CBX2: variants seen among roughly 807,000 people sequenced by gnomAD.
The protein encoded by CBX2 is chromobox 2.
A neutral mutation model predicts 21.0 loss-of-function variants in CBX2; 11 were observed. The observed-to-expected ratio is 0.52, with a 90% confidence interval of 0.33 to 0.87. The LOEUF (loss-of-function observed/expected upper bound fraction) is 0.87. Among genes scored for constraint, CBX2 ranks in the 40% least tolerant of loss-of-function variants. CBX2 has a pLI of 0.02. For missense variants in CBX2, 746 were observed against 724.3 expected (o/e 1.03, Z -0.34); for synonymous variants, 364 against 304.6 (o/e 1.19, Z -2.03).
chr17:79,781,070 T>A (rs1598221952), intron 3 of CBX2, among the ~76,000 whole-genome samples: 1 of 142,698 alleles, frequency 7.0e-6, no homozygotes, highest in Non-Finnish European at 1.5e-5. Context: ...GCGGGGGGGG[T>A]ACTGCGAGTG....
upstream of CBX2, among the ~76,000 whole-genome samples, chr17:79,777,639 G>A (rs537385437): frequency 6.6e-6 from 1 of 151,732 alleles, no homozygotes; most frequent in African/African-American, 2.4e-5. Flanking sequence ...GTCCAAAACA[G>A]AGCGACTCCC....
chr17:79,780,131 G>T (rs1222125585), intron 3 of CBX2, among the ~76,000 whole-genome samples: 2 of 152,222 alleles, frequency 1.3e-5, no homozygotes, highest in Admixed American at 1.3e-4. Context: ...GGCATGAAGG[G>T]CCAGGGAGTA....
In CBX2 at chr17:79,784,374, GC is replaced by G. The variant is rs1401849853; in HGVS notation, c.936del (p.Ser313AlafsTer39). On this transcript the variant is annotated frameshift_variant, in exon 5 of 5. Transcript: ENST00000310942. LOFTEE classifies it low-confidence loss of function (END_TRUNC). The surrounding 1 kb of genome is among the most constrained non-coding windows in gnomAD (Gnocchi z 5.9). ...CCCTCCAGGAAGCAAAATCCCGAAG[GC>G]CCCCAGCGGTGGGGCTGTGGAGCAG... The part of the protein sequence containing the change: ...MSPPGSKIPK[A>X]PSGGAVEQKV... 6.2e-7 allele frequency: 1 copy of G among 1,612,708 alleles called. No individual in the cohort carries two copies. The highest frequency in any genetic ancestry group is 8.5e-7 in the Non-Finnish European group (1 of 1,179,774).
chr17:79,782,979 T>G (rs547090636), intron 4 of CBX2, among the ~76,000 whole-genome samples: 3 of 152,104 alleles, frequency 2.0e-5, no homozygotes, highest in South Asian at 4.1e-4. Context: ...GACTGGGAAA[T>G]GGGGATACTG....
chr17:79,779,532 G>A (rs981542428), intron 3 of CBX2, 105 bp downstream of exon 3: 48 of 992,984 alleles, frequency 4.8e-5, no homozygotes, highest in Non-Finnish European at 7.4e-5. Context: ...CTGGGGCTGT[G>A]GTCTGAGGTC....
Position 79,784,618 on chromosome 17 carries a change from C to G in CBX2, c.1175C>G (p.Thr392Ser). ...ACCAACCCAGCCCCTGGGAAGGGCACTGGGAGTGGCCTCATTGGGGCCAGC... is the reference window on the plus strand; with the variant it reads ...ACCAACCCAGCCCCTGGGAAGGGCAGTGGGAGTGGCCTCATTGGGGCCAGC... ...PATNPAPGKGTGSGLIGASGA... is the reference protein window; with the variant it reads ...PATNPAPGKGSGSGLIGASGA... The change falls in exon 5 of 5, where the codon ACT becomes AGT. Residue 392 changes from threonine (T) to serine (S), a missense_variant. Around this residue, in one of 2 missense-constraint regions of CBX2, gnomAD observed 701 missense variants for 650.7 expected, o/e 1.08. Coordinates refer to ENST00000310942, the MANE Select transcript of CBX2 (RefSeq NM_005189.3). The surrounding 1 kb of genome is among the most constrained non-coding windows in gnomAD (Gnocchi z 5.9). The G allele has an allele frequency of 6.2e-7, 1 of 1,612,606 alleles. No individual in the cohort carries two copies. Among genetic ancestry groups the G allele is most frequent in the South Asian group, 1.1e-5 (1 of 91,070 alleles).
rs1279590250 is a variant in CBX2 at position 79,785,145 on chromosome 17, G to C, written c.*103G>C. The C allele has an allele frequency of 1.2e-5, 12 of 1,038,022 alleles. No individual in the cohort carries two copies. Among genetic ancestry groups the C allele is most frequent in the Non-Finnish European group, 1.3e-5 (9 of 686,348 alleles). The allele number at this position is 1,038,022 out of a possible 1,614,324, so 64.3% of individuals were successfully genotyped here. ...CAAGCCCCCTCAAGAGTCTGGGTCG[G>C]GGGAGGAGGAGTGGGTGGCCTCCTT... is the stretch of plus-strand genomic sequence containing the variant. On this transcript the variant is annotated 3_prime_UTR_variant, in exon 5 of 5. Coordinates refer to ENST00000310942, the MANE Select transcript of CBX2 (RefSeq NM_005189.3).
chr17:79,778,442 A>G lies in CBX2; in HGVS notation c.116+15A>G, dbSNP rs1555829463. On this transcript the variant is annotated intron_variant, in intron 2 of 4. Transcript: ENST00000310942. This position sits in a 1 kb window ranked among gnomAD's most constrained non-coding sequence, Gnocchi z 4.8. ...TGGTCCTCCAAGTGAGTCCCCCGCG[A>G]CGCCGCGCCCCCCTCCCGCCCCCTC... 6.6e-7 allele frequency: 1 copy of G among 1,512,190 alleles called. No homozygotes were observed. The highest frequency in any genetic ancestry group is 1.9e-5 in the Admixed American group (1 of 52,352). The allele number at this position is 1,512,190 out of a possible 1,614,324, so 93.7% of individuals were successfully genotyped here.
In CBX2 at chr17:79,784,299, C is replaced by T. The variant is rs1907458948; in HGVS notation, c.856C>T (p.Leu286Phe). 2.5e-6 allele frequency: 4 copies of T among 1,613,046 alleles called. No individual in the cohort carries two copies. Among genetic ancestry groups the T allele is most frequent in the African/African-American group, 2.7e-5 (2 of 74,934 alleles). The change falls in exon 5 of 5, where the codon CTC becomes TTC. Residue 286 changes from leucine (L) to phenylalanine (F), a missense_variant. By Grantham distance (22) the Leu-to-Phe change is conservative. Around this residue, in one of 2 missense-constraint regions of CBX2, gnomAD observed 701 missense variants for 650.7 expected, o/e 1.08. Coordinates refer to ENST00000310942, the MANE Select transcript of CBX2 (RefSeq NM_005189.3). The surrounding 1 kb of genome is among the most constrained non-coding windows in gnomAD (Gnocchi z 5.9). ...LKAQATNKCG[L>F]GLDLKVRTQK... ...GGCCCAGGCCACCAACAAGTGCGGC[C>T]TCGGGCTGGACCTGAAGGTGAGGAC... is the stretch of plus-strand genomic sequence containing the variant.
chr17:79,784,912 G>T lies in CBX2; in HGVS notation c.1469G>T (p.Ser490Ile). 7 of 1,613,436 alleles carry T rather than the reference G, an allele frequency of 4.3e-6. No homozygotes were observed. Among genetic ancestry groups the T allele is most frequent in the Non-Finnish European group, 5.9e-6 (7 of 1,180,050 alleles). ...GQNPSVSVQT[S>I]QDWKPTRSLI... Reference sequence around the variant, plus strand: ...AACCCGTCAGTGTCCGTTCAGACCAGCCAGGACTGGAAGCCCACCCGCAGC... The same window carrying T: ...AACCCGTCAGTGTCCGTTCAGACCATCCAGGACTGGAAGCCCACCCGCAGC... The change falls in exon 5 of 5, where the codon AGC (serine) becomes ATC (isoleucine). Residue 490 changes from serine (S) to isoleucine (I), a missense_variant. Physicochemically the swap from Ser to Ile is moderately radical, Grantham distance 142. Transcript: ENST00000310942. This position sits in a 1 kb window ranked among gnomAD's most constrained non-coding sequence, Gnocchi z 5.9.
In CBX2 at chr17:79,784,863, G is replaced by T; in HGVS notation, c.1420G>T (p.Ala474Ser). ...SSSSDSDPDS[A>S]SPPSTGQNPS... ...CAGCTCGGACTCCGACCCCGACTCC[G>T]CCTCGCCGCCCAGCACTGGACAGAA... The change falls in exon 5 of 5, where the codon GCC (alanine) becomes TCC (serine). Residue 474 changes from alanine to serine, a missense_variant. Around this residue, in one of 2 missense-constraint regions of CBX2, gnomAD observed 701 missense variants for 650.7 expected, o/e 1.08. Coordinates refer to ENST00000310942, the MANE Select transcript of CBX2 (RefSeq NM_005189.3). The surrounding 1 kb of genome is among the most constrained non-coding windows in gnomAD (Gnocchi z 5.9). The T allele has an allele frequency of 6.2e-7, 1 of 1,613,062 alleles. No individual in the cohort carries two copies. The highest frequency in any genetic ancestry group is 2.2e-5 in the East Asian group (1 of 44,874).
intron 4 of CBX2, chr17:79,782,105 G>A (rs782321921): frequency 1.1e-5 from 17 of 1,613,412 alleles, no homozygotes; most frequent in Non-Finnish European, 1.4e-5. Context: ...CCCTCCCAGG[G>A]GGTCCTTGGG....
In CBX2 at chr17:79,778,280, G is replaced by A. The variant is rs1555829368; in HGVS notation, c.45G>A (p.Glu15=). 3 of 1,545,578 alleles carry A rather than the reference G, an allele frequency of 1.9e-6. No individual in the cohort carries two copies. The highest frequency in any genetic ancestry group is 1.9e-5 in the Admixed American group (1 of 53,434). Residue 15 remains glutamate (E), a synonymous_variant, in exon 1 of 5, where the codon GAG becomes GAA. Transcript: ENST00000310942. The surrounding 1 kb of genome is among the most constrained non-coding windows in gnomAD (Gnocchi z 4.8). ...TGGGCGAGCAGGTCTTCGCCGCCGA[G>A]TGCATCCTGAGCAAGCGGCTCCGCA... is the stretch of plus-strand genomic sequence containing the variant. ...SSVGEQVFAA[E]CILSKRLRKG...
rs782008738 is a variant in CBX2 at position 79,784,018 on chromosome 17, A to G, written c.575A>G (p.Asp192Gly). The G allele has an allele frequency of 6.2e-7, 1 of 1,613,150 alleles. No homozygotes were observed. Among genetic ancestry groups the G allele is most frequent in the Non-Finnish European group, 8.5e-7 (1 of 1,179,976 alleles). Reference protein sequence around the residue: ...LAKVLKTARKDLGAPASKLPP... With the variant: ...LAKVLKTARKGLGAPASKLPP... ...AAGGTGCTGAAGACCGCCCGGAAGG[A>G]TCTGGGGGCCCCGGCCAGCAAGCTG... Residue 192 changes from aspartate (D) to glycine (G), a missense_variant, in exon 5 of 5, where the codon GAT becomes GGT. Asp to Gly is a moderately conservative substitution (Grantham distance 94). Transcript: ENST00000310942. The surrounding 1 kb of genome is among the most constrained non-coding windows in gnomAD (Gnocchi z 5.9).
In CBX2 at chr17:79,784,616, C is replaced by A. The variant is rs1907497627; in HGVS notation, c.1173C>A (p.Gly391=). 2.5e-6 allele frequency: 4 copies of A among 1,612,576 alleles called. No individual in the cohort carries two copies. The highest frequency in any genetic ancestry group is 3.4e-6 in the Non-Finnish European group (4 of 1,179,914). ...VPATNPAPGK[G]TGSGLIGASG... is the part of the protein sequence containing the mutation. ...CCACCAACCCAGCCCCTGGGAAGGG[C>A]ACTGGGAGTGGCCTCATTGGGGCCA... is the stretch of plus-strand genomic sequence containing the variant. Residue 391 remains glycine (G), a synonymous_variant, in exon 5 of 5, where the codon GGC becomes GGA. Coordinates refer to ENST00000310942, the MANE Select transcript of CBX2 (RefSeq NM_005189.3). The surrounding 1 kb of genome is among the most constrained non-coding windows in gnomAD (Gnocchi z 5.9).
Position 79,783,762 on chromosome 17 carries a change from A to T in CBX2, c.319A>T (p.Ser107Cys). 1 of 1,555,760 alleles carries T rather than the reference A, an allele frequency of 6.4e-7. No individual in the cohort carries two copies. Among genetic ancestry groups the T allele is most frequent in the Non-Finnish European group, 8.7e-7 (1 of 1,149,242 alleles). The change falls in exon 5 of 5, where the codon AGC becomes TGC. Residue 107 changes from serine to cysteine, a missense_variant. Coordinates refer to ENST00000310942, the MANE Select transcript of CBX2 (RefSeq NM_005189.3). ...EPDAPSKSKSSSSSSSSTSSS... is the reference protein window; with the variant it reads ...EPDAPSKSKSCSSSSSSTSSS... ...CGATGCTCCCTCCAAATCCAAGTCCAGCAGTTCCTCCTCTTCCTCCACGTC... is the reference window on the plus strand; with the variant it reads ...CGATGCTCCCTCCAAATCCAAGTCCTGCAGTTCCTCCTCTTCCTCCACGTC...
chr17:79,781,366 TC>T (rs1235903937), intron 3 of CBX2, among the ~76,000 whole-genome samples: 1 of 152,160 alleles, frequency 6.6e-6, no homozygotes, highest in African/African-American at 2.4e-5. Flanking sequence ...CGAGGCCACT[TC>T]TGGTTAGAAT....
intron 3 of CBX2, chr17:79,779,816 AG>A: frequency 3.2e-6 from 1 of 310,054 alleles, no homozygotes; most frequent in Non-Finnish European, 6.4e-6. Flanking sequence ...ACAGTGACGC[AG>A]GTCTGCCCTT....
At chr17:79,781,674 T>G in intron 3 of CBX2, 22 bp from the exon 4 acceptor site, 1 of 1,597,680 alleles carries the variant, frequency 6.3e-7, no homozygotes. Flanking sequence ...TTCTCCCCCA[T>G]TAACTAGTGG....
Sources: gnomAD v4.1 joint callset for allele counts (sites outside exome capture counted in the v4.1 genomes callset) on GRCh38, gnomAD v4.1.1 for gene constraint, gnomAD v4.1.1 regional missense constraint, Gnocchi (gnomAD v3.1) non-coding constraint, MANE v1.5 for transcripts, NCBI Gene and HGNC (gene_info 2026-07-23, HGNC 2026-07-21) for gene names.